Variants in FAT4 observed in about 807,000 individuals in gnomAD.
FAT4 encodes protocadherin Fat 4.
FAT4 carries 84 observed loss-of-function variants against 303.9 expected under a neutral mutation model. The observed-to-expected ratio is 0.28, with a 90% CI of 0.23 to 0.33. The LOEUF (loss-of-function observed/expected upper bound fraction) is 0.33. FAT4 is among the 10% of genes least tolerant of loss of function. FAT4 has a pLI of 1.00. For missense variants in FAT4, 6,005 were observed against 6,146.8 expected (o/e 0.98, Z 0.77); for synonymous variants, 2,307 against 2,298.8 (o/e 1.00, Z -0.10).
Position 125,451,635 on chromosome 4 carries a change from A to G in FAT4, c.10625A>G (p.Asn3542Ser). 1 of 1,614,080 alleles carries G rather than the reference A, an allele frequency of 6.2e-7. No individual in the cohort carries two copies. Among genetic ancestry groups the G allele is most frequent in the African/African-American group, 1.3e-5 (1 of 75,010 alleles). The change falls in exon 10 of 18, where the codon AAT (asparagine) becomes AGT (serine). Residue 3542 changes from asparagine (N) to serine (S), a missense_variant. Transcript: ENST00000394329. ...TCCACTGACCCTGATCTCCCTCCAAATCAAGGTCCCTTTACTTATTACTTG... is the reference window on the plus strand; with the variant it reads ...TCCACTGACCCTGATCTCCCTCCAAGTCAAGGTCCCTTTACTTATTACTTG... ...LQSTDPDLPP[N>S]QGPFTYYLLS...
At chr4:125,345,612 T>A (rs1731968961) in intron 2 of FAT4, among the ~76,000 whole-genome samples, 1 of 152,110 alleles carries the variant, frequency 6.6e-6, no homozygotes, top group Non-Finnish European at 1.5e-5. Flanking sequence ...ATTACTACTC[T>A]GGCATGTATT....
intron 7 of FAT4, among the ~76,000 whole-genome samples, chr4:125,429,788 G>C (rs151310293): frequency 6.6e-6 from 1 of 152,166 alleles, no homozygotes; most frequent in Non-Finnish European, 1.5e-5. Flanking sequence ...ACACACTAAT[G>C]TTGAGACTCT....
Position 125,318,010 on chromosome 4 carries a change from C to T in FAT4, c.1599C>T (p.Thr533=), listed in dbSNP as rs765615066. The T allele has an allele frequency of 1.9e-6, 3 of 1,614,154 alleles. No individual in the cohort carries two copies. The highest frequency in any genetic ancestry group is 2.5e-6 in the Non-Finnish European group (3 of 1,180,022). The change falls in exon 2 of 18, where the codon ACC becomes ACT. Residue 533 remains threonine, a synonymous_variant. Coordinates refer to ENST00000394329, the MANE Select transcript of FAT4 (RefSeq NM_001291303.3). ...FHISEHSGLV[T]TGSSGGLDRE... ...TCAGTGAACATAGCGGCCTCGTGAC[C>T]ACTGGGTCCTCTGGGGGCCTGGACC... is the stretch of plus-strand genomic sequence containing the variant.
chr4:125,332,978 ATACT>A (rs1156490490), intron 2 of FAT4, among the ~76,000 whole-genome samples: 1 of 152,064 alleles, frequency 6.6e-6, no homozygotes, highest in African/African-American at 2.4e-5. Flanking sequence ...TTTGGTTAAA[ATACT>A]TACTCTTATT....
intron 2 of FAT4, among the ~76,000 whole-genome samples, chr4:125,350,134 A>G (rs1022369239): frequency 1.3e-5 from 2 of 151,170 alleles, no homozygotes; most frequent in Non-Finnish European, 2.9e-5. Context: ...TTCTTGCAGG[A>G]ATACAAAGTA....
chr4:125,432,972 C>T (rs1297151423), intron 7 of FAT4, among the ~76,000 whole-genome samples: 1 of 152,066 alleles, frequency 6.6e-6, no homozygotes, highest in Middle Eastern at 3.2e-3. Flanking sequence ...AACAGATCTC[C>T]AAAACCATTT....
At chr4:125,478,862 T>C (rs1163912547) in intron 14 of FAT4, among the ~76,000 whole-genome samples, 1 of 152,042 alleles carries the variant, frequency 6.6e-6, no homozygotes, top group Non-Finnish European at 1.5e-5. Flanking sequence ...CAGTTAACTT[T>C]TCACTTCTTG....
intron 10 of FAT4, among the ~76,000 whole-genome samples, chr4:125,455,149 T>C (rs544051917): frequency 6.6e-6 from 1 of 152,318 alleles, no homozygotes; most frequent in South Asian, 2.1e-4. Context: ...TTTTATATTC[T>C]ACATTAGTCT....
rs192839174 is a variant in FAT4 at position 125,467,816 on chromosome 4, A to G, written c.11906-696A>G. Among the ~76,000 whole-genome samples, 599 of 152,342 alleles carry G rather than the reference A, an allele frequency of 3.9e-3. 1 individual carries two copies. The highest frequency in any genetic ancestry group is 8.6e-3 in the Admixed American group (132 of 15,306). On this transcript the variant is annotated intron_variant, in intron 11 of 17. Transcript: ENST00000394329. Reference sequence around the variant, plus strand: ...TTGAAATAGTTTTTAAGAACTATATATTATGAAGGAAGTATGTTGGCTGAA... The same window carrying G: ...TTGAAATAGTTTTTAAGAACTATATGTTATGAAGGAAGTATGTTGGCTGAA...
chr4:125,446,696 G>GA (rs1367054201), intron 9 of FAT4, among the ~76,000 whole-genome samples, 153 bp downstream of exon 9: 2 of 151,936 alleles, frequency 1.3e-5, no homozygotes, highest in African/African-American at 2.4e-5. Context: ...TGATGGAAAT[G>GA]AAAAAATGCT....
Position 125,452,803 on chromosome 4 carries a change from A to G in FAT4, c.11793A>G (p.Gly3931=). 1 of 1,608,690 alleles carries G rather than the reference A, an allele frequency of 6.2e-7. No homozygotes were observed. Among genetic ancestry groups the G allele is most frequent in the Non-Finnish European group, 8.5e-7 (1 of 1,176,984 alleles). Residue 3931 remains glycine (G), a synonymous_variant, in exon 10 of 18, where the codon GGA becomes GGG. Coordinates refer to ENST00000394329, the MANE Select transcript of FAT4 (RefSeq NM_001291303.3). ...PGSFNCVCKT[G]YTGKMCESSV... ...GCTTCAACTGTGTTTGCAAAACTGG[A>G]TACACAGGTATGACAACGTTTGTAC...
At position 125,491,428 on chromosome 4, in the gene FAT4, A is replaced by G. The variant is rs1225787977; in HGVS notation, c.14612A>G (p.Lys4871Arg). 2 of 1,614,132 alleles carry G rather than the reference A, an allele frequency of 1.2e-6. No individual in the cohort carries two copies. The highest frequency in any genetic ancestry group is 1.3e-5 in the African/African-American group (1 of 75,052). Residue 4871 changes from lysine to arginine, a missense_variant, in exon 18 of 18, where the codon AAA (lysine) becomes AGA (arginine). Physicochemically the swap from Lys to Arg is conservative, Grantham distance 26 (BLOSUM62 2). Coordinates refer to ENST00000394329, the MANE Select transcript of FAT4 (RefSeq NM_001291303.3). ...ATGGTATATACTTCCAGAATGCCCA[A>G]ATTATCTCAAGTCAATGAATCTGAT... ...KPMVYTSRMP[K>R]LSQVNESDAD...
intron 2 of FAT4, among the ~76,000 whole-genome samples, chr4:125,347,151 A>T (rs1029098846): frequency 1.9e-4 from 29 of 151,522 alleles, no homozygotes; most frequent in African/African-American, 6.8e-4. Context: ...ACTAATAGGC[A>T]TTTTTTCCAA....
Position 125,491,461 on chromosome 4 carries a change from A to G in FAT4, c.14645A>G (p.Asp4882Gly). 8.7e-6 allele frequency: 14 copies of G among 1,614,186 alleles called. No individual in the cohort carries two copies. Among genetic ancestry groups the G allele is most frequent in the Non-Finnish European group, 1.2e-5 (14 of 1,180,024 alleles). Residue 4882 changes from aspartate to glycine, a missense_variant, in exon 18 of 18, where the codon GAT becomes GGT. Physicochemically the swap from Asp to Gly is moderately conservative, Grantham distance 94. Transcript: ENST00000394329. The part of the protein sequence containing the change: ...LSQVNESDAD[D>G]EDNYGARLKP... ...CAAGTCAATGAATCTGATGCAGATG[A>G]TGAAGATAATTATGGAGCCAGACTG...
intron 2 of FAT4, among the ~76,000 whole-genome samples, chr4:125,342,645 C>G (rs1401935126): frequency 6.6e-6 from 1 of 151,794 alleles, no homozygotes; most frequent in Non-Finnish European, 1.5e-5. Flanking sequence ...CATTAAAACA[C>G]TCAGCACATT....
At chr4:125,428,013 T>C (rs1038140987) in intron 7 of FAT4, among the ~76,000 whole-genome samples, 11 of 152,100 alleles carry the variant, frequency 7.2e-5, no homozygotes, top group Non-Finnish European at 1.6e-4. Context: ...TATTTTAAGT[T>C]TTAGGCCAGG....
chr4:125,332,617 T>G (rs775361335), intron 2 of FAT4, among the ~76,000 whole-genome samples: 10 of 152,116 alleles, frequency 6.6e-5, no homozygotes, highest in Non-Finnish European at 1.3e-4. Flanking sequence ...CTCTCAATTT[T>G]TAGTGATGGT....
intron 12 of FAT4, among the ~76,000 whole-genome samples, chr4:125,472,080 A>AAAG (rs1190996954): frequency 7.2e-6 from 1 of 138,418 alleles, no homozygotes; most frequent in Non-Finnish European, 1.6e-5. Flanking sequence ...CTCAAAAAAA[A>AAAG]AAAAAAAAAG....
chr4:125,335,650 G>A (rs902224532), intron 2 of FAT4, among the ~76,000 whole-genome samples: 1 of 151,682 alleles, frequency 6.6e-6, no homozygotes, highest in Non-Finnish European at 1.5e-5. Flanking sequence ...TTCATTAAAG[G>A]ATTTCATGTG....
Sources: allele counts gnomAD v4.1 joint callset (sites outside exome capture counted in the v4.1 genomes callset), GRCh38; gene constraint gnomAD v4.1.1; transcripts MANE v1.5; gene names NCBI Gene and HGNC (gene_info 2026-07-23, HGNC 2026-07-21).